Variants in ANKRD30BL observed in about 807,000 individuals in gnomAD.
ANKRD30BL encodes the protein ankyrin repeat domain 30B like, also known as putative ankyrin repeat domain-containing protein 30B-like.
Under a neutral mutation model 18.4 loss-of-function variants are expected in ANKRD30BL, and 20 were observed. That is an observed-to-expected ratio of 1.09 (90% CI 0.77 to 1.58). ANKRD30BL has a LOEUF of 1.58. Among genes scored for constraint, ANKRD30BL ranks in the 40% most tolerant of loss-of-function variants. The probability of loss-of-function intolerance (pLI) is 0.00; values close to 1 mark genes in which losing one functional copy is unlikely to be tolerated. For missense variants in ANKRD30BL, 224 were observed against 268.6 expected, an observed-to-expected ratio of 0.83 and a Z score of 1.16; for synonymous variants, 72 against 100.9, an observed-to-expected ratio of 0.71 and a Z score of 1.72.
intron 1 of ANKRD30BL, among the ~76,000 whole-genome samples, chr2:132,170,492 C>T (rs1267196064): frequency 1.3e-5 from 2 of 152,176 alleles, no homozygotes; most frequent in Non-Finnish European, 1.5e-5. Flanking sequence ...GCAAGCTGGT[C>T]GGAGGTTCTG....
chr2:132,190,926 G>A (rs896702660), intron 1 of ANKRD30BL, among the ~76,000 whole-genome samples: 2 of 152,022 alleles, frequency 1.3e-5, no homozygotes, highest in East Asian at 3.9e-4. Flanking sequence ...ATAATGGATG[G>A]AAGCAAATTA....
At chr2:132,149,949 G>C (rs1687713968) in intron 5 of ANKRD30BL, among the ~76,000 whole-genome samples, 1 of 152,094 alleles carries the variant, frequency 6.6e-6, no homozygotes, top group Admixed American at 6.5e-5. Context: ...TAGAAACTAT[G>C]GGTTAATTGA....
rs1687858067 is a variant in ANKRD30BL at position 132,154,773 on chromosome 2, A to C, written c.508-5T>G. 1.5e-6 allele frequency: 1 copy of C among 687,162 alleles called. No homozygotes were observed. The highest frequency in any genetic ancestry group is 1.6e-5 in the South Asian group (1 of 62,080). 42.6% of individuals were successfully genotyped at this position (687,162 alleles called of 1,614,324 possible). A position where few individuals can be genotyped will look rare whatever the true frequency, so the allele number is the denominator to read the frequency against. On this transcript the variant is annotated splice_region_variant and splice_polypyrimidine_tract_variant and intron_variant, in intron 3 of 5. Transcript: ENST00000409867. Reference sequence around the variant, plus strand: ...TAAAAGTGGTGTGTGGCCAGCCTGTAAAACAGCAAAAACAATTTATAATTC... The same window carrying C: ...TAAAAGTGGTGTGTGGCCAGCCTGTCAAACAGCAAAAACAATTTATAATTC...
chr2:132,163,293 TA>T (rs1196657211), upstream of ANKRD30BL, among the ~76,000 whole-genome samples: 1 of 151,962 alleles, frequency 6.6e-6, no homozygotes, highest in Non-Finnish European at 1.5e-5. Context: ...TCTATAAAAA[TA>T]AAACCAATCA....
intron 1 of ANKRD30BL, among the ~76,000 whole-genome samples, chr2:132,214,839 C>T (rs535141994): frequency 0.012 from 1,755 of 151,634 alleles, 22 homozygotes; most frequent in African/African-American, 0.04. Context: ...AAGGAAATAT[C>T]TTCACATAAA....
intron 4 of ANKRD30BL, among the ~76,000 whole-genome samples, chr2:132,151,682 A>G (rs959184258): frequency 6.6e-6 from 1 of 151,786 alleles, no homozygotes; most frequent in Non-Finnish European, 1.5e-5. Context: ...ATTTTCTGTT[A>G]TTAATTCCTA....
At chr2:132,228,290 G>C (rs1001839712) in intron 1 of ANKRD30BL, among the ~76,000 whole-genome samples, 4 of 151,786 alleles carry the variant, frequency 2.6e-5, no homozygotes, top group African/African-American at 9.7e-5. Context: ...AGAATTCGGA[G>C]AAGCTTCTTT....
chr2:132,255,340 C>T (rs933626501), intron 1 of ANKRD30BL, among the ~76,000 whole-genome samples: 5 of 152,036 alleles, frequency 3.3e-5, no homozygotes, highest in Admixed American at 1.3e-4. Context: ...TGGTCCTATT[C>T]CATTATTCCA....
intron 1 of ANKRD30BL, among the ~76,000 whole-genome samples, chr2:132,231,573 G>T (rs111593982): frequency 6.6e-6 from 1 of 152,166 alleles, no homozygotes; most frequent in South Asian, 2.1e-4. Flanking sequence ...AAAGAAAGGG[G>T]TGACAGATGC....
chr2:132,198,287 TCTTTCTTTCTTTCTTTCTTTCTTTCTTTC>T lies in ANKRD30BL; in HGVS notation n.442-41170_442-41142del, dbSNP rs1679009660. Among the ~76,000 whole-genome samples the T allele has an allele frequency of 9.5e-4, 14 of 14,704 alleles. 1 individual carries two copies. The highest frequency in any genetic ancestry group is 1.8e-3 in the African/African-American group (14 of 7,948). 9.6% of individuals were successfully genotyped at this position (14,704 alleles called of 152,430 possible). On this transcript the variant is annotated intron_variant and non_coding_transcript_variant, in intron 1 of 4. Coordinates refer to the ANKRD30BL transcript ENST00000470729. ...TCTTTCTTTTCTTTCTTTCTTTCTT[TCTTTCTTTCTTTCTTTCTTTCTTTCTTTC>T]TTTCTTTCTTTTTTTTTTTTTTTTT...
chr2:132,230,769 G>A lies in ANKRD30BL; in HGVS notation n.441+26760C>T, dbSNP rs531530900. ...AACACTCTTTTTTTAGAATCTGCAC[G>A]TGGACATTTGGAGCACTTTGAGGCC... On this transcript the variant is annotated intron_variant and non_coding_transcript_variant, in intron 1 of 4. Transcript: ENST00000470729. Among the ~76,000 whole-genome samples the A allele has an allele frequency of 1.9e-4, 29 of 152,264 alleles. No homozygotes were observed. In the East Asian group the frequency reaches 2.5e-3, roughly 13 times the overall value.
intron 1 of ANKRD30BL, among the ~76,000 whole-genome samples, chr2:132,222,143 G>T (rs1204216249): frequency 1.3e-5 from 2 of 149,170 alleles, no homozygotes; most frequent in Non-Finnish European, 3.0e-5. Flanking sequence ...GGGCGCCTCT[G>T]CCCGGCCACC....
chr2:132,170,314 CAAAAGGGAAA>C (rs1183111482), intron 1 of ANKRD30BL, among the ~76,000 whole-genome samples: 1 of 151,894 alleles, frequency 6.6e-6, no homozygotes, highest in East Asian at 1.9e-4. Context: ...ATTTATTGGG[CAAAAGGGAAA>C]AAAAGGGAAA....
intron 1 of ANKRD30BL, among the ~76,000 whole-genome samples, chr2:132,206,856 T>A (rs1348962277): frequency 2.0e-5 from 3 of 152,252 alleles, no homozygotes; most frequent in Non-Finnish European, 2.9e-5. Flanking sequence ...GAAAAAATCC[T>A]TTCTTGCTTC....
chr2:132,255,784 C>T (rs1573902861), intron 1 of ANKRD30BL, among the ~76,000 whole-genome samples: 3 of 152,168 alleles, frequency 2.0e-5, no homozygotes, highest in African/African-American at 4.8e-5. Context: ...CCCTGATTCC[C>T]TGTCACCCGT....
chr2:132,217,028 T>A (rs935144046), intron 1 of ANKRD30BL, among the ~76,000 whole-genome samples: 6 of 152,010 alleles, frequency 3.9e-5, no homozygotes, highest in African/African-American at 7.2e-5. Flanking sequence ...GAAACACTCT[T>A]TTTGACGAAT....
intron 1 of ANKRD30BL, among the ~76,000 whole-genome samples, chr2:132,243,209 A>G (rs1323106993): frequency 2.6e-5 from 4 of 151,606 alleles, no homozygotes; most frequent in Admixed American, 2.0e-4. Context: ...TCCTTGGTGG[A>G]AAAGGAATTA....
At chr2:132,215,521 T>C (rs541880440) in intron 1 of ANKRD30BL, among the ~76,000 whole-genome samples, 12 of 152,236 alleles carry the variant, frequency 7.9e-5, no homozygotes, top group African/African-American at 2.6e-4. Context: ...GAAAAGGAAA[T>C]ATGTTCACAT....
chr2:132,234,712 A>C (rs969668302), intron 1 of ANKRD30BL, among the ~76,000 whole-genome samples: 15 of 152,184 alleles, frequency 9.9e-5, no homozygotes, highest in African/African-American at 3.4e-4. Context: ...ACCAACAAAA[A>C]GAGTCCAGGA....
Sources: allele counts gnomAD v4.1 joint callset (sites outside exome capture counted in the v4.1 genomes callset), GRCh38; gene constraint gnomAD v4.1.1; transcripts MANE v1.5; gene names NCBI Gene and HGNC (gene_info 2026-07-23, HGNC 2026-07-21).